RALGPS1: variants seen among roughly 807,000 people sequenced by gnomAD.
RALGPS1 encodes Ral GEF with PH domain and SH3 binding motif 1, also known as ras-specific guanine nucleotide-releasing factor RalGPS1.
In RALGPS1, 19 loss-of-function variants were observed where a neutral mutation model predicts 78.8. The observed-to-expected ratio is 0.24, with a 90% CI of 0.17 to 0.35. RALGPS1 has a LOEUF of 0.35. Among genes scored for constraint, RALGPS1 ranks in the 10% least tolerant of loss-of-function variants. RALGPS1 has a pLI of 1.00. For missense variants in RALGPS1, 454 were observed against 688.3 expected, an observed-to-expected ratio of 0.66 and a Z score of 3.81; for synonymous variants, 228 against 256.3, an observed-to-expected ratio of 0.89 and a Z score of 1.06.
intron 8 of RALGPS1, among the ~76,000 whole-genome samples, chr9:127,137,538 G>C (rs1425432332): frequency 2.0e-5 from 3 of 152,232 alleles, no homozygotes; most frequent in Non-Finnish European, 4.4e-5. Flanking sequence ...TGCCAGTGGG[G>C]CTGTCCTGGG....
At chr9:126,919,324 C>T (rs1324681809) in intron 1 of RALGPS1, among the ~76,000 whole-genome samples, 1 of 152,146 alleles carries the variant, frequency 6.6e-6, no homozygotes, top group Non-Finnish European at 1.5e-5. Flanking sequence ...GTTTAGAAGA[C>T]TAACAAGAGA....
rs2041109916 is a variant in RALGPS1 at position 126,980,173 on chromosome 9, G to A, written c.216+2428G>A. ...CTGATGTTATTATCATTAGCAGACT[G>A]AAAACTGAAAATTTTCCTCTTGGGG... On this transcript the variant is annotated intron_variant, in intron 4 of 18. Transcript: ENST00000259351. 2.0e-5 allele frequency among the ~76,000 whole-genome samples: 3 copies of A among 152,194 alleles called. No homozygotes were observed. In the South Asian group the frequency reaches 6.2e-4, roughly 32 times the overall value.
intron 4 of RALGPS1, among the ~76,000 whole-genome samples, chr9:127,004,990 T>C (rs1272299111): frequency 6.6e-6 from 1 of 152,176 alleles, no homozygotes; most frequent in Non-Finnish European, 1.5e-5. Flanking sequence ...AAGAAGTCAC[T>C]CTGGTAGGAG....
intron 8 of RALGPS1, among the ~76,000 whole-genome samples, chr9:127,107,637 C>T (rs1046827468): frequency 1.3e-5 from 2 of 152,204 alleles, no homozygotes; most frequent in Non-Finnish European, 2.9e-5. Context: ...ACTACAGGCT[C>T]TGGGTTCTTT....
In RALGPS1 at chr9:127,091,799, G is replaced by A. The variant is rs1370237479; in HGVS notation, c.610+22443G>A. The A allele has an allele frequency of 4.3e-6, 7 of 1,614,036 alleles. No individual in the cohort carries two copies. The highest frequency in any genetic ancestry group is 4.0e-5 in the African/African-American group (3 of 74,902). The stretch of plus-strand genomic sequence containing the variant: ...TAATACTCGCTCTCAGGTTCCAGGC[G>A]GAAACTGGCGTATTCTGCAAAGACT... On this transcript the variant is annotated intron_variant, in intron 8 of 18. Coordinates refer to ENST00000259351, the MANE Select transcript of RALGPS1 (RefSeq NM_014636.3). The surrounding 1 kb of genome is among the most constrained non-coding windows in gnomAD (Gnocchi z 4.3).
intron 8 of RALGPS1, among the ~76,000 whole-genome samples, chr9:127,098,873 G>A (rs2053437532): frequency 6.6e-6 from 1 of 152,246 alleles, no homozygotes; most frequent in Admixed American, 6.5e-5. Flanking sequence ...GTCTGGGGCA[G>A]ACCAGCATCA....
chr9:127,025,368 A>G (rs2045879317), intron 4 of RALGPS1, among the ~76,000 whole-genome samples: 1 of 152,138 alleles, frequency 6.6e-6, no homozygotes, highest in Non-Finnish European at 1.5e-5. Context: ...TGCACATACA[A>G]GTTTTTTGTG....
At chr9:127,034,590 C>T (rs555706744) in intron 5 of RALGPS1, 76 bp downstream of exon 5, 2 of 1,308,848 alleles carry the variant, frequency 1.5e-6, no homozygotes, top group South Asian at 1.2e-5. Context: ...AGCCCCCACC[C>T]AAAGCTGTCT....
intron 4 of RALGPS1, among the ~76,000 whole-genome samples, chr9:127,007,947 C>T (rs185267317): frequency 6.6e-6 from 1 of 152,100 alleles, no homozygotes; most frequent in African/African-American, 2.4e-5. Flanking sequence ...AGAGACTTTC[C>T]TGTGGTCTAG....
At chr9:127,157,993 A>G (rs926760554) in intron 8 of RALGPS1, among the ~76,000 whole-genome samples, 3 of 152,082 alleles carry the variant, frequency 2.0e-5, no homozygotes, top group African/African-American at 2.4e-5. Flanking sequence ...GGACACGCCA[A>G]TGAGTTTTAT....
rs145821242 is a variant in RALGPS1, at chr9:127,086,113, C to T, written c.610+16757C>T. 4.3e-3 allele frequency among the ~76,000 whole-genome samples: 651 copies of T among 152,256 alleles called. 3 individuals are homozygous for T. The highest frequency in any genetic ancestry group is 8.6e-3 in the Admixed American group (131 of 15,296). On this transcript the variant is annotated intron_variant, in intron 8 of 18. Coordinates refer to ENST00000259351, the MANE Select transcript of RALGPS1 (RefSeq NM_014636.3). ...CTGTGAAGGTGACGTAAAATGCACA[C>T]GCGCACACGGACACACACACACGCC... is the stretch of plus-strand genomic sequence containing the variant.
chr9:126,999,223 G>A (rs577363895), intron 4 of RALGPS1, among the ~76,000 whole-genome samples: 4 of 152,076 alleles, frequency 2.6e-5, no homozygotes, highest in African/African-American at 9.6e-5. Flanking sequence ...AAAGTATAGA[G>A]TGTACATTCT....
intron 10 of RALGPS1, among the ~76,000 whole-genome samples, chr9:127,169,107 C>A (rs1445015502): frequency 6.6e-6 from 1 of 152,162 alleles, no homozygotes; most frequent in Non-Finnish European, 1.5e-5. Context: ...ACTTGGACCC[C>A]ACAGCTGTGA....
intron 8 of RALGPS1, among the ~76,000 whole-genome samples, chr9:127,101,947 C>CT (rs2053774745): frequency 6.6e-6 from 1 of 152,080 alleles, no homozygotes; most frequent in African/African-American, 2.4e-5. Context: ...ACTCCAGGCC[C>CT]TGTAGTTCCA....
At position 127,000,534 on chromosome 9, in the gene RALGPS1, C is replaced by CTT. The variant is rs1163116649; in HGVS notation, c.216+22819_216+22820dup. Among the ~76,000 whole-genome samples, 26 of 33,318 alleles carry CTT rather than the reference C, an allele frequency of 7.8e-4. 1 individual carries two copies. The highest frequency in any genetic ancestry group is 0.036 in the Middle Eastern group (1 of 28). 21.9% of individuals were successfully genotyped at this position (33,318 alleles called of 152,430 possible). A position where few individuals can be genotyped will look rare whatever the true frequency, so the allele number is the denominator to read the frequency against. ...TCCTGCTATTGATTTCTTGTCTTGT[C>CTT]TTTTTTTTTTTTTTTTTTTTTTTTT... On this transcript the variant is annotated intron_variant, in intron 4 of 18. Coordinates refer to ENST00000259351, the MANE Select transcript of RALGPS1 (RefSeq NM_014636.3).
chr9:126,943,047 C>G (rs957380290), intron 1 of RALGPS1, among the ~76,000 whole-genome samples: 1 of 152,100 alleles, frequency 6.6e-6, no homozygotes, highest in African/African-American at 2.4e-5. Context: ...TCTCTCTAGT[C>G]CACTTCCATT....
At chr9:126,963,399 A>G (rs1299494959) in intron 2 of RALGPS1, among the ~76,000 whole-genome samples, 1 of 152,164 alleles carries the variant, frequency 6.6e-6, no homozygotes, top group Non-Finnish European at 1.5e-5. Flanking sequence ...ATATATGTGT[A>G]TACACATTAT....
intron 4 of RALGPS1, among the ~76,000 whole-genome samples, chr9:126,982,478 T>C (rs1253733488): frequency 6.6e-6 from 1 of 152,264 alleles, no homozygotes; most frequent in African/African-American, 2.4e-5. Context: ...TATAGAGTAC[T>C]TAGCACAGAG....
intron 8 of RALGPS1, among the ~76,000 whole-genome samples, chr9:127,116,715 C>T (rs1416974596): frequency 1.3e-5 from 2 of 152,214 alleles, no homozygotes; most frequent in Non-Finnish European, 2.9e-5. Context: ...ACCAGGGCCA[C>T]CTTGGCTGTT....
Sources: allele counts gnomAD v4.1 joint callset (sites outside exome capture counted in the v4.1 genomes callset), GRCh38; gene constraint gnomAD v4.1.1; non-coding constraint Gnocchi (gnomAD v3.1); transcripts MANE v1.5; gene names NCBI Gene and HGNC (gene_info 2026-07-23, HGNC 2026-07-21).